Variants in MDGA2 observed in about 807,000 individuals in gnomAD.
MDGA2 encodes the protein MAM domain containing glycosylphosphatidylinositol anchor 2.
In MDGA2, 40 loss-of-function variants were observed where a neutral mutation model predicts 117.8. The ratio of observed to expected loss-of-function variants is 0.34; its 90% CI spans 0.26 to 0.44. The LOEUF (loss-of-function observed/expected upper bound fraction) is 0.44. MDGA2 is among the 20% of genes least tolerant of loss of function. The pLI is 1.00. For missense variants in MDGA2, 1,123 were observed against 1,250.6 expected, an observed-to-expected ratio of 0.90 and a Z score of 1.54; for synonymous variants, 452 against 439.0, an observed-to-expected ratio of 1.03 and a Z score of -0.37.
At chr14:46,906,016 C>A (rs532288436) in intron 10 of MDGA2, among the ~76,000 whole-genome samples, 2 of 151,838 alleles carry the variant, frequency 1.3e-5, no homozygotes, top group Non-Finnish European at 1.5e-5. Context: ...CTTACAATGG[C>A]ATGTTGTCAT....
intron 7 of MDGA2, chr14:47,058,537 A>C: frequency 3.0e-6 from 3 of 984,610 alleles, no homozygotes; most frequent in Non-Finnish European, 3.6e-6. Context: ...TGTATGCTAT[A>C]GCTTATTCAT....
At position 47,224,754 on chromosome 14, in the gene MDGA2, A is replaced by G. The variant is rs192954280; in HGVS notation, c.421-6559T>C. Among the ~76,000 whole-genome samples the G allele has an allele frequency of 4.0e-3, 614 of 152,322 alleles. 9 individuals carry two copies. The highest frequency in any genetic ancestry group is 0.014 in the African/African-American group (573 of 41,572). On this transcript the variant is annotated intron_variant, in intron 2 of 16. Transcript: ENST00000399232. ...TGGGAACTAAACCTAAAAAGGTTAC[A>G]GAGTGCCAGCCTGCAAGAATATTAA...
At chr14:47,109,982 C>A (rs537599985) in intron 5 of MDGA2, among the ~76,000 whole-genome samples, 2 of 152,148 alleles carry the variant, frequency 1.3e-5, no homozygotes, top group Admixed American at 1.3e-4. Context: ...ATCAAAAAAA[C>A]CTACAAACAC....
intron 1 of MDGA2, among the ~76,000 whole-genome samples, chr14:47,656,841 A>G (rs1346762580): frequency 6.6e-6 from 1 of 152,194 alleles, no homozygotes; most frequent in African/African-American, 2.4e-5. Flanking sequence ...AAAGAGGTGT[A>G]AAGAGGTGGG....
At chr14:47,154,466 G>T (rs1289702082) in intron 3 of MDGA2, among the ~76,000 whole-genome samples, 1 of 152,130 alleles carries the variant, frequency 6.6e-6, no homozygotes, top group Non-Finnish European at 1.5e-5. Flanking sequence ...CAGCCACCCA[G>T]CCGCAGCAGT....
chr14:46,974,455 C>T (rs745901707), intron 8 of MDGA2, among the ~76,000 whole-genome samples: 14 of 152,080 alleles, frequency 9.2e-5, no homozygotes, highest in Non-Finnish European at 1.8e-4. Context: ...CTGGAAGACT[C>T]GCACTTCTTG....
intron 2 of MDGA2, among the ~76,000 whole-genome samples, chr14:47,276,877 T>C (rs918114587): frequency 1.3e-4 from 20 of 152,166 alleles, no homozygotes; most frequent in Non-Finnish European, 2.2e-4. Context: ...TATTCCCTAC[T>C]AGTTTATTTT....
At chr14:46,930,821 T>G (rs1378242781) in intron 9 of MDGA2, among the ~76,000 whole-genome samples, 2 of 152,168 alleles carry the variant, frequency 1.3e-5, no homozygotes, top group Non-Finnish European at 2.9e-5. Flanking sequence ...TTAAATAAAT[T>G]ATAAGCTCCA....
At chr14:47,460,117 T>G (rs1410615237) in intron 1 of MDGA2, among the ~76,000 whole-genome samples, 1 of 152,178 alleles carries the variant, frequency 6.6e-6, no homozygotes, top group Non-Finnish European at 1.5e-5. Flanking sequence ...TTTTCTTCAT[T>G]CTCAGTCATC....
At chr14:47,264,193 C>T (rs1007525348) in intron 2 of MDGA2, among the ~76,000 whole-genome samples, 9 of 152,104 alleles carry the variant, frequency 5.9e-5, no homozygotes, top group Non-Finnish European at 1.0e-4. Context: ...ATAATGAACT[C>T]ACTAATAAAT....
intron 1 of MDGA2, among the ~76,000 whole-genome samples, chr14:47,493,007 G>A (rs1303553443): frequency 6.6e-6 from 1 of 151,560 alleles, no homozygotes; most frequent in African/African-American, 2.4e-5. Flanking sequence ...AATTATTGTT[G>A]ATATTCTTGA....
At chr14:47,070,566 A>G (rs1341719647) in intron 6 of MDGA2, among the ~76,000 whole-genome samples, 1 of 151,660 alleles carries the variant, frequency 6.6e-6, no homozygotes, top group African/African-American at 2.4e-5. Context: ...ACATTGACCA[A>G]CCTCTCCCAT....
At chr14:46,849,094 C>G (rs1394843570) in intron 15 of MDGA2, among the ~76,000 whole-genome samples, 1 of 151,852 alleles carries the variant, frequency 6.6e-6, no homozygotes, top group Non-Finnish European at 1.5e-5. Flanking sequence ...TTAAATAAAT[C>G]TAGTTATTTA....
At chr14:47,652,803 T>C (rs994123926) in intron 1 of MDGA2, among the ~76,000 whole-genome samples, 3 of 152,100 alleles carry the variant, frequency 2.0e-5, no homozygotes, top group African/African-American at 7.2e-5. Context: ...CAACTGATAA[T>C]TAATAGTGGA....
At chr14:47,537,574 TAAAAAAAAAAAAAAAA>T (rs58060138) in intron 1 of MDGA2, among the ~76,000 whole-genome samples, 33 of 36,636 alleles carry the variant, frequency 9.0e-4, no homozygotes, top group Middle Eastern at 0.023. Context: ...TTCTCTCTGT[TAAAAAAAAAAAAAAAA>T]AAAAAAAAAA....
At chr14:47,463,178 T>A (rs560230197) in intron 1 of MDGA2, among the ~76,000 whole-genome samples, 1 of 152,344 alleles carries the variant, frequency 6.6e-6, no homozygotes, top group Admixed American at 6.5e-5. Context: ...TTAGCAAATT[T>A]ATATCTCAAA....
At chr14:46,942,888 T>G (rs1885048297) in intron 9 of MDGA2, among the ~76,000 whole-genome samples, 3 of 152,110 alleles carry the variant, frequency 2.0e-5, no homozygotes, top group Admixed American at 2.0e-4. Context: ...TACATGTGCT[T>G]TCATTTCTGT....
At chr14:47,360,702 C>T (rs900620749) in intron 1 of MDGA2, among the ~76,000 whole-genome samples, 1 of 152,056 alleles carries the variant, frequency 6.6e-6, no homozygotes, top group African/African-American at 2.4e-5. Flanking sequence ...TTTCATTTGA[C>T]CCAGCAATCC....
intron 14 of MDGA2, among the ~76,000 whole-genome samples, chr14:46,868,646 T>C (rs571773970): frequency 1.3e-5 from 2 of 151,970 alleles, no homozygotes; most frequent in Non-Finnish European, 2.9e-5. Context: ...GCAAGCGAAA[T>C]GCAGTACTAC....
Sources: allele counts gnomAD v4.1 joint callset (sites outside exome capture counted in the v4.1 genomes callset), GRCh38; gene constraint gnomAD v4.1.1; transcripts MANE v1.5; gene names NCBI Gene and HGNC (gene_info 2026-07-23, HGNC 2026-07-21).